PHLDB2: variants seen among roughly 807,000 people sequenced by gnomAD.
PHLDB2 encodes the protein pleckstrin homology-like domain family B member 2.
A neutral mutation model predicts 123.6 loss-of-function variants in PHLDB2; 71 were observed. The ratio of observed to expected loss-of-function variants is 0.57; its 90% CI spans 0.47 to 0.70. The LOEUF is 0.70. Among genes scored for constraint, PHLDB2 ranks in the 30% least tolerant of loss-of-function variants. The pLI is 0.00. For missense variants in PHLDB2, 1,446 were observed against 1,519.5 expected, an observed-to-expected ratio of 0.95 and a Z score of 0.80; for synonymous variants, 547 against 541.6, an observed-to-expected ratio of 1.01 and a Z score of -0.14.
chr3:111,968,971 C>G (rs2071990424), intron 15 of PHLDB2, among the ~76,000 whole-genome samples: 1 of 152,096 alleles, frequency 6.6e-6, no homozygotes, highest in African/African-American at 2.4e-5. Flanking sequence ...AAATAAGACA[C>G]CATTTTAGAA....
chr3:111,919,640 T>C (rs945877935), intron 4 of PHLDB2, among the ~76,000 whole-genome samples: 1 of 152,216 alleles, frequency 6.6e-6, no homozygotes, highest in African/African-American at 2.4e-5. Flanking sequence ...CAAAAATCGA[T>C]CCAGGTTTCT....
chr3:111,924,609 C>T (rs986934398), intron 5 of PHLDB2, among the ~76,000 whole-genome samples: 4 of 151,928 alleles, frequency 2.6e-5, no homozygotes, highest in Non-Finnish European at 5.9e-5. Context: ...GGCCTTTCCC[C>T]TTAGGGATCG....
intron 12 of PHLDB2, chr3:111,957,480 G>T (rs2071128086): frequency 6.6e-6 from 1 of 152,264 alleles, no homozygotes; most frequent in African/African-American, 2.4e-5. Flanking sequence ...CTTTGTTTTG[G>T]CTTTTAATCG....
chr3:111,961,581 G>T (rs893287065), intron 12 of PHLDB2, among the ~76,000 whole-genome samples: 4 of 152,124 alleles, frequency 2.6e-5, no homozygotes, highest in African/African-American at 9.7e-5. Context: ...GTGTAGTTTG[G>T]ATCTTAACAA....
At chr3:111,764,327 A>C (rs1396774813) in intron 1 of PHLDB2, among the ~76,000 whole-genome samples, 1 of 152,214 alleles carries the variant, frequency 6.6e-6, no homozygotes, top group East Asian at 1.9e-4. Context: ...CAACCACCCT[A>C]CTTGATACAA....
At chr3:111,767,066 CA>C (rs5851784) in intron 1 of PHLDB2, among the ~76,000 whole-genome samples, 125,100 of 143,738 alleles carry the variant, frequency 0.87, 55,079 homozygotes, top group East Asian at 1. Flanking sequence ...AGTCCAAAAA[CA>C]GTATTAAAGC....
intron 11 of PHLDB2, 124 bp downstream of exon 11, chr3:111,952,836 C>G: frequency 8.5e-7 from 1 of 1,170,834 alleles, no homozygotes; most frequent in Non-Finnish European, 1.2e-6. Flanking sequence ...ACTTGTTAGG[C>G]AGACATCAGG....
chr3:111,805,976 A>G (rs191585816), intron 1 of PHLDB2, among the ~76,000 whole-genome samples: 6 of 152,056 alleles, frequency 3.9e-5, no homozygotes, highest in Admixed American at 3.9e-4. Context: ...GCAAAACAAT[A>G]GAGACAGAGA....
chr3:111,875,027 G>A (rs192715057), intron 1 of PHLDB2, among the ~76,000 whole-genome samples: 13 of 152,286 alleles, frequency 8.5e-5, no homozygotes, highest in African/African-American at 2.2e-4. Context: ...TGATTTTGTA[G>A]TTTTTCAGAT....
chr3:111,844,329 C>T (rs1052195254), intron 1 of PHLDB2, among the ~76,000 whole-genome samples: 1 of 152,142 alleles, frequency 6.6e-6, no homozygotes, highest in African/African-American at 2.4e-5. Flanking sequence ...GGATGCCCTA[C>T]AGATATATTT....
intron 8 of PHLDB2, among the ~76,000 whole-genome samples, chr3:111,944,818 GC>G (rs2070184661): frequency 6.6e-6 from 1 of 151,958 alleles, no homozygotes; most frequent in Non-Finnish European, 1.5e-5. Flanking sequence ...GACTACAGGT[GC>G]CTGCCACCAC....
chr3:111,973,989 GA>G (rs75867931), intron 17 of PHLDB2, among the ~76,000 whole-genome samples, 172 bp downstream of exon 17: 461 of 151,936 alleles, frequency 3.0e-3, no homozygotes, highest in Non-Finnish European at 5.5e-3. Context: ...TCTCTTTGAG[GA>G]AAAAAAATAT....
intron 1 of PHLDB2, among the ~76,000 whole-genome samples, chr3:111,750,198 G>A (rs1186081816): frequency 6.6e-5 from 10 of 152,098 alleles, no homozygotes; most frequent in Non-Finnish European, 4.4e-5. Flanking sequence ...CATGCAGTAG[G>A]ATATTCATAT....
chr3:111,873,657 G>A (rs767970590), intron 1 of PHLDB2, among the ~76,000 whole-genome samples: 8 of 152,180 alleles, frequency 5.3e-5, no homozygotes, highest in Non-Finnish European at 8.8e-5. Context: ...TTGCTTTCTG[G>A]GTTGCTGTGT....
chr3:111,911,546 G>A (rs2067881770), intron 2 of PHLDB2: 1 of 1,364,012 alleles, frequency 7.3e-7, no homozygotes, highest in East Asian at 2.5e-5. Context: ...TAAAGCTGAG[G>A]TGGGCAGGGC....
chr3:111,911,535 A>G (rs2067881565), intron 2 of PHLDB2: 2 of 1,251,290 alleles, frequency 1.6e-6, no homozygotes, highest in East Asian at 2.5e-5. Context: ...CTTCCTCCCT[A>G]TAAAGCTGAG....
intron 5 of PHLDB2, among the ~76,000 whole-genome samples, chr3:111,927,622 G>A (rs367563818): frequency 3.1e-4 from 47 of 152,264 alleles, no homozygotes; most frequent in African/African-American, 1.1e-3. Context: ...TTGCATTTCC[G>A]ACAAACAGAA....
At chr3:111,760,031 C>A (rs1205366251) in intron 1 of PHLDB2, among the ~76,000 whole-genome samples, 2 of 152,156 alleles carry the variant, frequency 1.3e-5, no homozygotes, top group Non-Finnish European at 2.9e-5. Flanking sequence ...AGGCTGTAGC[C>A]ACAATACTTA....
rs143012450 is a variant in PHLDB2, at chr3:111,921,664, C to T, written c.2001+1245C>T. Among the ~76,000 whole-genome samples the T allele has an allele frequency of 8.6e-3, 1,212 of 140,262 alleles. 15 individuals are homozygous for T. Among genetic ancestry groups the T allele is most frequent in the African/African-American group, 0.03 (1,129 of 37,530 alleles). The allele number at this position is 140,262 out of a possible 152,430, so 92.0% of individuals were successfully genotyped here. On this transcript the variant is annotated intron_variant, in intron 5 of 17. Coordinates refer to ENST00000431670, the MANE Select transcript of PHLDB2 (RefSeq NM_001134438.2). ...TGTCGCCCAGGCTGGAGTGCAGTGG[C>T]GCAATCTCAGCTCACTGCAAGCTCC...
Sources: gnomAD v4.1 joint callset for allele counts (sites outside exome capture counted in the v4.1 genomes callset) on GRCh38, gnomAD v4.1.1 for gene constraint, MANE v1.5 for transcripts, NCBI Gene and HGNC (gene_info 2026-07-23, HGNC 2026-07-21) for gene names.